The following BCL9 variants were observed in gnomAD, a reference collection of about 807,000 sequenced individuals.
BCL9 encodes the protein B-cell CLL/lymphoma 9 protein.
In BCL9, 25 loss-of-function variants were observed where a neutral mutation model predicts 88.5. That is an observed-to-expected ratio of 0.28 (90% CI 0.21 to 0.39). BCL9 has a LOEUF of 0.39. BCL9 is among the 10% of genes least tolerant of loss of function. The pLI, the probability that BCL9 is intolerant of heterozygous loss-of-function variation, is 1.00. For missense variants in BCL9, 1,817 were observed against 1,877.8 expected (o/e 0.97, Z 0.60); for synonymous variants, 711 against 673.3 (o/e 1.06, Z -0.87).
At chr1:147,592,248 T>C (rs1040224030) in intron 1 of BCL9, among the ~76,000 whole-genome samples, 1 of 152,202 alleles carries the variant, frequency 6.6e-6, no homozygotes, top group Non-Finnish European at 1.5e-5. Context: ...GCAAAGCCTG[T>C]CTTTACTGGC....
Position 147,620,599 on chromosome 1 carries a change from G to A in BCL9, c.2444G>A (p.Ser815Asn), listed in dbSNP as rs782698421. 1 of 1,614,160 alleles carries A rather than the reference G, an allele frequency of 6.2e-7. No homozygotes were observed. Among genetic ancestry groups the A allele is most frequent in the East Asian group, 2.2e-5 (1 of 44,880 alleles). Residue 815 changes from serine to asparagine, a missense_variant, in exon 8 of 10, where the codon AGT becomes AAT. By Grantham distance (46) the Ser-to-Asn change is conservative. Around this residue, in one of 2 missense-constraint regions of BCL9, gnomAD observed 1,228 missense variants for 1,191.6 expected, o/e 1.03. Coordinates refer to ENST00000234739, the MANE Select transcript of BCL9 (RefSeq NM_004326.4). ...GACCAGAGGACTAACAGCCGGCTCAGTCATATGCCACCACTACCTCTCAAC... is the reference window on the plus strand; with the variant it reads ...GACCAGAGGACTAACAGCCGGCTCAATCATATGCCACCACTACCTCTCAAC... ...GPDQRTNSRL[S>N]HMPPLPLNPS...
chr1:147,588,364 C>G (rs1306588518), intron 1 of BCL9, among the ~76,000 whole-genome samples: 1 of 152,168 alleles, frequency 6.6e-6, no homozygotes, highest in Non-Finnish European at 1.5e-5. Flanking sequence ...TTCCTACTCT[C>G]CACTACTTTG....
chr1:147,582,837 C>T (rs1656428555), intron 1 of BCL9, among the ~76,000 whole-genome samples: 1 of 152,164 alleles, frequency 6.6e-6, no homozygotes, highest in South Asian at 2.1e-4. Flanking sequence ...ACAATCTGCC[C>T]TTTACAGAAA....
At chr1:147,589,245 C>T (rs1656745047) in intron 1 of BCL9, among the ~76,000 whole-genome samples, 1 of 152,208 alleles carries the variant, frequency 6.6e-6, no homozygotes, top group Non-Finnish European at 1.5e-5. Context: ...CCTGGCAAGA[C>T]ATCTCCGTTT....
intron 5 of BCL9, 81 bp from the exon 6 acceptor site, chr1:147,614,346 G>A (rs1658157169): frequency 4.4e-6 from 6 of 1,379,208 alleles, no homozygotes; most frequent in Non-Finnish European, 5.0e-6. Flanking sequence ...TCTCAAGGTG[G>A]GTTTGTGTTG....
rs782114512 is a variant in BCL9 at position 147,624,456 on chromosome 1, C to T, written c.3778C>T (p.Arg1260Cys). ...TTTCCCTCGAGGGGAAGTTCCAGGC[C>T]GTAAACAGCCCCAGGGTCCTGGACC... The part of the protein sequence containing the change: ...QYFPRGEVPG[R>C]KQPQGPGPGF... The change falls in exon 10 of 10, where the codon CGT becomes TGT. Residue 1260 changes from arginine to cysteine, a missense_variant. By Grantham distance (180) the Arg-to-Cys change is radical. This residue lies in a region of BCL9 where 589 missense variants were observed against 686.2 expected (regional missense o/e 0.86). Transcript: ENST00000234739. This position sits in a 1 kb window ranked among gnomAD's most constrained non-coding sequence, Gnocchi z 4.4. 14 of 1,614,086 alleles carry T rather than the reference C, an allele frequency of 8.7e-6. No homozygotes were observed. Among genetic ancestry groups the T allele is most frequent in the East Asian group, 4.5e-5 (2 of 44,886 alleles).
chr1:147,620,341 A>G lies in BCL9; in HGVS notation c.2186A>G (p.Asn729Ser), dbSNP rs1181018860. Reference protein sequence around the residue: ...DVNLNVNMGSNSQMIPQKMRE... With the variant: ...DVNLNVNMGSSSQMIPQKMRE... The stretch of plus-strand genomic sequence containing the variant: ...AATCTAAATGTCAACATGGGATCCA[A>G]CTCTCAGATGATACCTCAGAAGATG... Residue 729 changes from asparagine to serine, a missense_variant, in exon 8 of 10, where the codon AAC becomes AGC. Coordinates refer to ENST00000234739, the MANE Select transcript of BCL9 (RefSeq NM_004326.4). 5 of 1,614,098 alleles carry G rather than the reference A, an allele frequency of 3.1e-6. No homozygotes were observed. The highest frequency in any genetic ancestry group is 4.2e-6 in the Non-Finnish European group (5 of 1,179,994).
Position 147,624,963 on chromosome 1 carries a change from G to A in BCL9, c.*4G>A, listed in dbSNP as rs781989208. 1 of 1,602,068 alleles carries A rather than the reference G, an allele frequency of 6.2e-7. No individual in the cohort carries two copies. The highest frequency in any genetic ancestry group is 8.5e-7 in the Non-Finnish European group (1 of 1,170,632). On this transcript the variant is annotated 3_prime_UTR_variant, in exon 10 of 10. Transcript: ENST00000234739. This position sits in a 1 kb window ranked among gnomAD's most constrained non-coding sequence, Gnocchi z 4.4. ...CCCAGGAAACATGATGTTTTAAGCT[G>A]CTAAGATGGGATGTGCCGATCCTTG...
intron 1 of BCL9, among the ~76,000 whole-genome samples, chr1:147,600,873 A>C (rs1553201168): frequency 6.6e-6 from 1 of 152,160 alleles, no homozygotes; most frequent in Non-Finnish European, 1.5e-5. Context: ...TCACTGAGTC[A>C]TTGTGGGGGT....
In BCL9 at chr1:147,619,091, G is replaced by C; in HGVS notation, c.936G>C (p.Arg312Ser). Residue 312 changes from arginine (R) to serine (S), a missense_variant, in exon 8 of 10, where the codon AGG (arginine) becomes AGC (serine). Arg to Ser is a moderately radical substitution (Grantham distance 110). Coordinates refer to ENST00000234739, the MANE Select transcript of BCL9 (RefSeq NM_004326.4). The surrounding 1 kb of genome is among the most constrained non-coding windows in gnomAD (Gnocchi z 4.1). Reference protein sequence around the residue: ...GTGPNSTPNNRAVTPVSQGSN... With the variant: ...GTGPNSTPNNSAVTPVSQGSN... ...GGCCCAACTCAACTCCCAACAATAGGGCAGTGACCCCTGTCTCCCAGGGGA... is the reference window on the plus strand; with the variant it reads ...GGCCCAACTCAACTCCCAACAATAGCGCAGTGACCCCTGTCTCCCAGGGGA... The C allele has an allele frequency of 6.2e-7, 1 of 1,613,682 alleles. No individual in the cohort carries two copies. The highest frequency in any genetic ancestry group is 1.7e-4 in the Middle Eastern group (1 of 6,058).
chr1:147,616,329 T>C (rs1159951331), intron 7 of BCL9, among the ~76,000 whole-genome samples: 1 of 152,230 alleles, frequency 6.6e-6, no homozygotes, highest in Non-Finnish European at 1.5e-5. Context: ...AATCAGAGCC[T>C]CATCGACTTT....
Position 147,620,646 on chromosome 1 carries a change from C to T in BCL9, c.2491C>T (p.Leu831Phe). 6.2e-7 allele frequency: 1 copy of T among 1,614,224 alleles called. No homozygotes were observed. Among genetic ancestry groups the T allele is most frequent in the African/African-American group, 1.3e-5 (1 of 75,054 alleles). Residue 831 changes from leucine (L) to phenylalanine (F), a missense_variant, in exon 8 of 10, where the codon CTC (leucine) becomes TTC (phenylalanine). By Grantham distance (22) the Leu-to-Phe change is conservative. Coordinates refer to ENST00000234739, the MANE Select transcript of BCL9 (RefSeq NM_004326.4). ...CAACCCTTCCAGTAACCCCACCAGC[C>T]TCAACACAGCTCCTCCAGTTCAGCG... ...PLNPSSNPTS[L>F]NTAPPVQRGL...
At chr1:147,618,664 G>C (rs1658425263) in intron 7 of BCL9, 152 bp from the exon 8 acceptor site, 2 of 667,708 alleles carry the variant, frequency 3.0e-6, no homozygotes, top group African/African-American at 3.7e-5. Flanking sequence ...ATGTCTCCAT[G>C]CCCAAAAGAG....
intron 7 of BCL9, among the ~76,000 whole-genome samples, chr1:147,617,052 C>T (rs1334676883): frequency 1.3e-5 from 2 of 152,188 alleles, no homozygotes; most frequent in Admixed American, 6.5e-5. Flanking sequence ...AAGTCTCCAT[C>T]TTTGTAGACA....
intron 9 of BCL9, among the ~76,000 whole-genome samples, chr1:147,623,064 T>TG (rs1426486917): frequency 1.5e-4 from 22 of 149,614 alleles, no homozygotes; most frequent in Non-Finnish European, 2.8e-4. Context: ...CCTCGACTCC[T>TG]GCCACCTGAC....
At chr1:147,552,629 A>G (rs1205414960) in intron 1 of BCL9, among the ~76,000 whole-genome samples, 1 of 152,156 alleles carries the variant, frequency 6.6e-6, no homozygotes, top group African/African-American at 2.4e-5. Flanking sequence ...AAACAAACAA[A>G]CGAAAAGATT....
chr1:147,584,140 C>T (rs10900380), intron 1 of BCL9, among the ~76,000 whole-genome samples: 18,708 of 151,508 alleles, frequency 0.12, 2,043 homozygotes, highest in East Asian at 0.3. Context: ...CTCTGCTTCC[C>T]GGGTTCAAGT....
chr1:147,565,928 T>G (rs587751103), intron 1 of BCL9, among the ~76,000 whole-genome samples: 25 of 152,302 alleles, frequency 1.6e-4, no homozygotes, highest in African/African-American at 6.0e-4. Flanking sequence ...AGGCCAGCGC[T>G]TTTCTAGATA....
chr1:147,617,428 A>C (rs988700866), intron 7 of BCL9, among the ~76,000 whole-genome samples: 2 of 152,136 alleles, frequency 1.3e-5, no homozygotes, highest in East Asian at 3.9e-4. Context: ...TTAAAATGGC[A>C]CTAGAAGGAA....
Sources: allele counts gnomAD v4.1 joint callset (sites outside exome capture counted in the v4.1 genomes callset), GRCh38; gene constraint gnomAD v4.1.1; regional missense constraint gnomAD v4.1.1; non-coding constraint Gnocchi (gnomAD v3.1); transcripts MANE v1.5; gene names NCBI Gene and HGNC (gene_info 2026-07-23, HGNC 2026-07-21).